STIMATE: variants seen among roughly 807,000 people sequenced by gnomAD.
STIMATE encodes the protein STIM activating enhancer, also known as store-operated calcium entry regulator STIMATE.
Under a neutral mutation model 36.7 loss-of-function variants are expected in STIMATE, and 15 were observed. The ratio of observed to expected loss-of-function variants is 0.41; its 90% confidence interval spans 0.27 to 0.63. The LOEUF (loss-of-function observed/expected upper bound fraction) is 0.63, where lower values mean the gene tolerates loss of function less well. Among genes scored for constraint, STIMATE ranks in the 20% least tolerant of loss-of-function variants. STIMATE has a pLI of 0.32. For missense variants in STIMATE, 305 were observed against 397.3 expected, an observed-to-expected ratio of 0.77 and a Z score of 1.98; for synonymous variants, 163 against 162.3, an observed-to-expected ratio of 1.00 and a Z score of -0.03.
rs71087029 is a variant in STIMATE at position 52,887,994 on chromosome 3, GTTTT to G, written c.160+9293_160+9296del. Among the ~76,000 whole-genome samples the G allele has an allele frequency of 5.5e-4, 29 of 52,708 alleles. No homozygotes were observed. In the South Asian group the frequency reaches 5.9e-3, roughly 11 times the overall value. 34.6% of individuals were successfully genotyped at this position (52,708 alleles called of 152,430 possible). On this transcript the variant is annotated intron_variant, in intron 1 of 7. Transcript: ENST00000355083. ...GCTCTAACTTCATATAACAGAATCAGTTTTTTTTTTTTTTTTTTTTTTTTTTTGC... is the reference window on the plus strand; with the variant it reads ...GCTCTAACTTCATATAACAGAATCAGTTTTTTTTTTTTTTTTTTTTTTTGC...
intron 2 of STIMATE, among the ~76,000 whole-genome samples, chr3:52,854,362 C>A (rs1359776583): frequency 6.6e-6 from 1 of 152,136 alleles, no homozygotes; most frequent in East Asian, 1.9e-4. Flanking sequence ...CAGCCCTAAT[C>A]CCCCACCCTC....
chr3:52,887,109 T>C (rs1157284092), intron 1 of STIMATE, among the ~76,000 whole-genome samples: 1 of 152,242 alleles, frequency 6.6e-6, no homozygotes, highest in African/African-American at 2.4e-5. Flanking sequence ...ATTCAGGCAA[T>C]TGATGAAATG....
At chr3:52,871,095 C>A (rs1575340802) in intron 1 of STIMATE, among the ~76,000 whole-genome samples, 1 of 152,116 alleles carries the variant, frequency 6.6e-6, no homozygotes, top group East Asian at 1.9e-4. Context: ...CAATCAAGTA[C>A]CGCCACCTCC....
In STIMATE at chr3:52,857,733, A is replaced by G. The variant is rs182421579; in HGVS notation, c.161-2289T>C. Among the ~76,000 whole-genome samples the G allele has an allele frequency of 7.4e-3, 1,118 of 150,070 alleles. 119 individuals are homozygous for G. The South Asian group carries it at 0.21, about 28-fold the overall frequency. On this transcript the variant is annotated intron_variant, in intron 1 of 7. Coordinates refer to ENST00000355083, the MANE Select transcript of STIMATE (RefSeq NM_198563.5). ...AATTATAAGTAATACAACAAATTAT[A>G]TAATAAATCTTATAATTATATTATT...
chr3:52,867,551 T>G (rs562014882), intron 1 of STIMATE, among the ~76,000 whole-genome samples: 2 of 152,326 alleles, frequency 1.3e-5, no homozygotes, highest in East Asian at 3.9e-4. Context: ...AACACACCCA[T>G]AGTTTTGGAG....
Position 52,897,357 on chromosome 3 carries a change from G to C in STIMATE, c.94C>G (p.Leu32Val). ...AGGAAGATGCCGAAGCTGTGCATGA[G>C]CGCGCCGCTCTCGCAGCGGCCCGCC... ...SGAGRCESGA[L>V]MHSFGIFLQG... Residue 32 changes from leucine to valine, a missense_variant, in exon 1 of 8, where the codon CTC becomes GTC. Physicochemically the swap from Leu to Val is conservative, Grantham distance 32. This residue lies in a region of STIMATE where 57 missense variants were observed against 57.1 expected (regional missense o/e 1.00). Coordinates refer to ENST00000355083, the MANE Select transcript of STIMATE (RefSeq NM_198563.5). The C allele has an allele frequency of 6.5e-7, 1 of 1,527,008 alleles. No homozygotes were observed. Among genetic ancestry groups the C allele is most frequent in the East Asian group, 2.6e-5 (1 of 38,618 alleles). The allele number at this position is 1,527,008 out of a possible 1,614,324, so 94.6% of individuals were successfully genotyped here.
intron 1 of STIMATE, among the ~76,000 whole-genome samples, chr3:52,878,465 C>A (rs1432662011): frequency 1.3e-5 from 2 of 152,018 alleles, no homozygotes; most frequent in Non-Finnish European, 2.9e-5. Context: ...CACCTCATTC[C>A]CTGGTCTAGG....
intron 7 of STIMATE, 133 bp downstream of exon 7, chr3:52,842,678 C>A (rs1203779163): frequency 6.9e-5 from 105 of 1,517,076 alleles, no homozygotes; most frequent in Non-Finnish European, 8.3e-5. Flanking sequence ...TCTGGCTCAG[C>A]CTCTTCTCCT....
chr3:52,875,076 C>T (rs1333889503), intron 1 of STIMATE, among the ~76,000 whole-genome samples: 1 of 152,146 alleles, frequency 6.6e-6, no homozygotes, highest in East Asian at 1.9e-4. Flanking sequence ...AGGATCACTG[C>T]TGCGCTGTTA....
intron 5 of STIMATE, among the ~76,000 whole-genome samples, chr3:52,844,087 C>T (rs1700854157): frequency 6.6e-6 from 1 of 152,132 alleles, no homozygotes; most frequent in Admixed American, 6.5e-5. Context: ...CAGTGCCCAC[C>T]GGGAGAGTGG....
In STIMATE at chr3:52,844,956, G is replaced by C; in HGVS notation, c.428-15C>G. 6.2e-7 allele frequency: 1 copy of C among 1,611,990 alleles called. No individual in the cohort carries two copies. The highest frequency in any genetic ancestry group is 8.5e-7 in the Non-Finnish European group (1 of 1,178,792). ...CAGAGGGTCTCCTGCAGGGACAGGC[G>C]GGTGCTTAGTCACATGGGGCCCAGG... On this transcript the variant is annotated splice_polypyrimidine_tract_variant and intron_variant, in intron 4 of 7. Coordinates refer to ENST00000355083, the MANE Select transcript of STIMATE (RefSeq NM_198563.5).
intron 1 of STIMATE, among the ~76,000 whole-genome samples, chr3:52,892,522 CGA>C (rs1701799514): frequency 6.6e-6 from 1 of 152,180 alleles, no homozygotes; most frequent in Admixed American, 6.5e-5. Context: ...GAAAGGACAG[CGA>C]CACTGATTGA....
intron 1 of STIMATE, among the ~76,000 whole-genome samples, chr3:52,884,021 T>C (rs986657440): frequency 1.1e-4 from 17 of 152,220 alleles, no homozygotes; most frequent in African/African-American, 4.1e-4. Flanking sequence ...GTTTAAATTT[T>C]GTCTGCCTTT....
In STIMATE at chr3:52,890,671, G is replaced by T. The variant is rs575443733; in HGVS notation, c.160+6620C>A. 1.3e-5 allele frequency among the ~76,000 whole-genome samples: 2 copies of T among 152,234 alleles called. 1 individual carries two copies. The highest frequency in any genetic ancestry group is 4.1e-4 in the South Asian group (2 of 4,832). On this transcript the variant is annotated intron_variant, in intron 1 of 7. Coordinates refer to ENST00000355083, the MANE Select transcript of STIMATE (RefSeq NM_198563.5). ...GTAATCTAAAAGAGACTCACCAACT[G>T]CTTCTATGCATACACAAGGAAAAGG...
intron 7 of STIMATE, 71 bp downstream of exon 7, chr3:52,842,740 C>T: frequency 1.9e-6 from 3 of 1,602,438 alleles, no homozygotes; most frequent in Admixed American, 1.7e-5. Context: ...CATACACAGA[C>T]ATGAGACCAG....
chr3:52,867,318 G>T (rs939375114), intron 1 of STIMATE, among the ~76,000 whole-genome samples: 1 of 152,228 alleles, frequency 6.6e-6, no homozygotes, highest in Non-Finnish European at 1.5e-5. Flanking sequence ...AAGTAGAAAT[G>T]TAAGATGCTT....
intron 1 of STIMATE, among the ~76,000 whole-genome samples, chr3:52,892,667 G>A (rs1559500787): frequency 6.6e-6 from 1 of 152,180 alleles, no homozygotes; most frequent in African/African-American, 2.4e-5. Flanking sequence ...GGGAAACAGA[G>A]TATTCACATG....
rs373780583 is a variant in STIMATE, at chr3:52,867,058, G to T, written c.161-11614C>A. ...TGGCTACCAGGTGGTACAGTCCCTTGCATCCCTCTTACCAGATGGCATTTT... is the reference window on the plus strand; with the variant it reads ...TGGCTACCAGGTGGTACAGTCCCTTTCATCCCTCTTACCAGATGGCATTTT... On this transcript the variant is annotated intron_variant, in intron 1 of 7. Coordinates refer to ENST00000355083, the MANE Select transcript of STIMATE (RefSeq NM_198563.5). Among the ~76,000 whole-genome samples the T allele has an allele frequency of 1.2e-4, 19 of 152,244 alleles. 1 individual carries two copies. In the East Asian group the frequency reaches 3.1e-3, roughly 25 times the overall value.
At chr3:52,879,949 C>T (rs1004932997) in intron 1 of STIMATE, among the ~76,000 whole-genome samples, 4 of 152,194 alleles carry the variant, frequency 2.6e-5, no homozygotes, top group South Asian at 2.1e-4. Context: ...ATTCTGGAGA[C>T]GGGCTTGCTG....
Sources: gnomAD v4.1 joint callset for allele counts (sites outside exome capture counted in the v4.1 genomes callset) on GRCh38, gnomAD v4.1.1 for gene constraint, gnomAD v4.1.1 regional missense constraint, MANE v1.5 for transcripts, NCBI Gene and HGNC (gene_info 2026-07-23, HGNC 2026-07-21) for gene names.